The following GRIN2B variants were observed in gnomAD, a reference collection of about 807,000 sequenced individuals.
GRIN2B encodes glutamate receptor ionotropic, NMDA 2B.
In GRIN2B, 5 loss-of-function variants were observed where a neutral mutation model predicts 114.5. The observed-to-expected ratio is 0.04, with a 90% CI of 0.02 to 0.09. The LOEUF (loss-of-function observed/expected upper bound fraction) is 0.09, where lower values mean the gene tolerates loss of function less well. GRIN2B is among the 10% of genes least tolerant of loss of function. The pLI is 1.00. For synonymous variants in GRIN2B, 787 were observed against 745.1 expected, an observed-to-expected ratio of 1.06 and a Z score of -0.92; for missense variants, 1,108 against 1,943.5, an observed-to-expected ratio of 0.57 and a Z score of 8.08.
At chr12:13,666,961 T>C (rs1949981906) in intron 5 of GRIN2B, among the ~76,000 whole-genome samples, 2 of 152,216 alleles carry the variant, frequency 1.3e-5, no homozygotes, top group African/African-American at 4.8e-5. Context: ...TATAATATAC[T>C]GCTATAGCAG....
intron 2 of GRIN2B, among the ~76,000 whole-genome samples, chr12:13,892,713 G>A (rs962801170): frequency 6.6e-6 from 1 of 152,184 alleles, no homozygotes; most frequent in Non-Finnish European, 1.5e-5. Flanking sequence ...TGTGGTATAT[G>A]AGAATAACAC....
At chr12:13,756,547 C>T (rs575198232) in intron 3 of GRIN2B, among the ~76,000 whole-genome samples, 22 of 152,174 alleles carry the variant, frequency 1.4e-4, no homozygotes, top group African/African-American at 3.4e-4. Flanking sequence ...TGGGGGATTC[C>T]GAAATGAGAA....
intron 4 of GRIN2B, among the ~76,000 whole-genome samples, chr12:13,713,853 G>A (rs1316814849): frequency 6.6e-6 from 1 of 151,776 alleles, no homozygotes; most frequent in African/African-American, 2.4e-5. Context: ...AGTCTGCCTG[G>A]CTGGAGAACA....
At chr12:13,700,245 A>C (rs1950298589) in intron 4 of GRIN2B, among the ~76,000 whole-genome samples, 3 of 152,130 alleles carry the variant, frequency 2.0e-5, no homozygotes, top group Admixed American at 1.3e-4. Flanking sequence ...AATTTTAAGG[A>C]GGTCAAATAC....
At chr12:13,654,790 C>T (rs754053986) in intron 5 of GRIN2B, among the ~76,000 whole-genome samples, 5 of 152,088 alleles carry the variant, frequency 3.3e-5, no homozygotes, top group African/African-American at 4.8e-5. Context: ...TCACCTGTTA[C>T]AATGGCAATT....
At chr12:13,651,013 C>T (rs1362078031) in intron 5 of GRIN2B, among the ~76,000 whole-genome samples, 2 of 152,066 alleles carry the variant, frequency 1.3e-5, no homozygotes, top group African/African-American at 4.8e-5. Flanking sequence ...TTCATATGGC[C>T]TCTTACTCTC....
chr12:13,830,092 T>G (rs1865119425), intron 3 of GRIN2B, among the ~76,000 whole-genome samples: 1 of 152,200 alleles, frequency 6.6e-6, no homozygotes, highest in East Asian at 1.9e-4. Context: ...ATGAGTTCTG[T>G]TAACAAGCTG....
chr12:13,564,135 G>A lies in GRIN2B; in HGVS notation c.3103C>T (p.Leu1035Phe). The change falls in exon 14 of 14, where the codon CTC (leucine) becomes TTC (phenylalanine). Residue 1035 changes from leucine (L) to phenylalanine (F), a missense_variant. By Grantham distance (22) the Leu-to-Phe change is conservative. Around this residue, in one of 19 missense-constraint regions of GRIN2B, gnomAD observed 140 missense variants for 187.5 expected, o/e 0.75. Transcript: ENST00000609686. The surrounding 1 kb of genome is among the most constrained non-coding windows in gnomAD (Gnocchi z 4.8). ...GAGAATTTGCCGTACAGGTCACTGA[G>A]CTGGCTGTGCTTGGAGGAGGGGAGG... ...IGLPSSKHSQ[L>F]SDLYGKFSFK... The A allele has an allele frequency of 6.2e-7, 1 of 1,614,194 alleles. No homozygotes were observed.
At chr12:13,940,796 T>C (rs1013225858) in intron 2 of GRIN2B, among the ~76,000 whole-genome samples, 5 of 152,114 alleles carry the variant, frequency 3.3e-5, no homozygotes, top group Non-Finnish European at 7.4e-5. Context: ...AGCCATTCTG[T>C]AACGGATGAG....
rs910793751 is a variant in GRIN2B at position 13,562,806 on chromosome 12, A to G, written c.4432T>C (p.Ser1478Pro). 2 of 1,614,170 alleles carry G rather than the reference A, an allele frequency of 1.2e-6. No homozygotes were observed. Among genetic ancestry groups the G allele is most frequent in the East Asian group, 2.2e-5 (1 of 44,874 alleles). ...ACTCAGACATCAGACTCAATACTAG[A>G]AAGTTTCTCATAAACATGCCCATTG... ...SSNGHVYEKL[S>P]SIESDV Residue 1478 changes from serine (S) to proline (P), a missense_variant, in exon 14 of 14, where the codon TCT becomes CCT. By Grantham distance (74) the Ser-to-Pro change is moderately conservative. Transcript: ENST00000609686.
At chr12:13,641,420 G>A (rs1322798553) in intron 5 of GRIN2B, among the ~76,000 whole-genome samples, 2 of 152,014 alleles carry the variant, frequency 1.3e-5, no homozygotes, top group Non-Finnish European at 2.9e-5. Context: ...TCTTTGGGTA[G>A]CTCTCAGCCT....
At chr12:13,937,525 C>G (rs1217523945) in intron 2 of GRIN2B, among the ~76,000 whole-genome samples, 1 of 151,832 alleles carries the variant, frequency 6.6e-6, no homozygotes, top group Non-Finnish European at 1.5e-5. Context: ...AAAAAACTGT[C>G]AACCCAGAAT....
In GRIN2B at chr12:13,562,426, G is replaced by C; in HGVS notation, c.*357C>G. 3.8e-6 allele frequency: 1 copy of C among 261,748 alleles called. No homozygotes were observed. Among genetic ancestry groups the C allele is most frequent in the Non-Finnish European group, 7.3e-6 (1 of 136,544 alleles). 16.2% of individuals were successfully genotyped at this position (261,748 alleles called of 1,614,324 possible). The stretch of plus-strand genomic sequence containing the variant: ...ACATAGCCTCTTTTTGGTTCTCCCA[G>C]CTTCACTCAAAGAGGATATCAAGGA... On this transcript the variant is annotated 3_prime_UTR_variant, in exon 14 of 14. Transcript: ENST00000609686.
intron 3 of GRIN2B, among the ~76,000 whole-genome samples, chr12:13,858,654 A>C (rs1181183392): frequency 6.6e-6 from 1 of 151,596 alleles, no homozygotes; most frequent in Non-Finnish European, 1.5e-5. Flanking sequence ...TATTTTCTTC[A>C]TGTAATAATT....
chr12:13,936,807 G>A (rs181644922), intron 2 of GRIN2B, among the ~76,000 whole-genome samples: 1 of 151,728 alleles, frequency 6.6e-6, no homozygotes. Context: ...GCCCTAATGA[G>A]TGAACAGATA....
At chr12:13,571,985 AGAGACAGAGCGG>A (rs781770754) in intron 10 of GRIN2B, 21 bp from the exon 11 acceptor site, 5 of 1,599,090 alleles carry the variant, frequency 3.1e-6, no homozygotes, top group Admixed American at 3.4e-5. Context: ...AAAGACAGAT[AGAGACAGAGCGG>A]GAGATGGAGG....
At chr12:13,784,978 T>G (rs1591729192) in intron 3 of GRIN2B, among the ~76,000 whole-genome samples, 1 of 152,260 alleles carries the variant, frequency 6.6e-6, no homozygotes, top group East Asian at 1.9e-4. Context: ...TTTTGTATAT[T>G]TCATTATATA....
intron 2 of GRIN2B, among the ~76,000 whole-genome samples, chr12:13,870,872 G>C (rs150063861): frequency 6.6e-6 from 1 of 152,152 alleles, no homozygotes; most frequent in Non-Finnish European, 1.5e-5. Context: ...TCATACAATG[G>C]AAGTCAAGAA....
chr12:13,912,475 T>G (rs11055684), intron 2 of GRIN2B, among the ~76,000 whole-genome samples: 35,011 of 152,086 alleles, frequency 0.23, 4,590 homozygotes, highest in East Asian at 0.44. Flanking sequence ...TGACCTACAC[T>G]AAACCGCCAT....
Sources: gnomAD v4.1 joint callset for allele counts (sites outside exome capture counted in the v4.1 genomes callset) on GRCh38, gnomAD v4.1.1 for gene constraint, gnomAD v4.1.1 regional missense constraint, Gnocchi (gnomAD v3.1) non-coding constraint, MANE v1.5 for transcripts, NCBI Gene and HGNC (gene_info 2026-07-23, HGNC 2026-07-21) for gene names.